COL23A1: variants seen among roughly 807,000 people sequenced by gnomAD.
COL23A1 encodes collagen alpha-1(XXIII) chain.
Under a neutral mutation model 99.3 loss-of-function variants are expected in COL23A1, and 97 were observed. That is an observed-to-expected ratio of 0.98 (90% CI 0.83 to 1.16). The LOEUF is 1.16. COL23A1 is among the 50% of genes most tolerant of loss of function. The pLI, the probability that COL23A1 is intolerant of heterozygous loss-of-function variation, is 0.00. For missense variants in COL23A1, 762 were observed against 757.4 expected (o/e 1.01, Z -0.07); for synonymous variants, 320 against 308.2 (o/e 1.04, Z -0.40).
At chr5:178,296,955 G>A (rs756430510) in intron 3 of COL23A1, among the ~76,000 whole-genome samples, 16 of 152,308 alleles carry the variant, frequency 1.1e-4, no homozygotes, top group Admixed American at 2.0e-4. Flanking sequence ...CCAGAGGGGC[G>A]TTTACAAAAT....
At chr5:178,299,945 G>A (rs917979733) in intron 3 of COL23A1, among the ~76,000 whole-genome samples, 18 of 152,026 alleles carry the variant, frequency 1.2e-4, no homozygotes, top group African/African-American at 4.3e-4. Context: ...GTAGAGAGGG[G>A]GTTTCACCAT....
intron 17 of COL23A1, among the ~76,000 whole-genome samples, chr5:178,252,262 G>A (rs1765076685): frequency 6.6e-6 from 1 of 152,204 alleles, no homozygotes; most frequent in Non-Finnish European, 1.5e-5. Flanking sequence ...GCCTCTGGCT[G>A]CATCCATGTA....
intron 1 of COL23A1, among the ~76,000 whole-genome samples, chr5:178,580,472 T>A (rs1763608269): frequency 6.6e-6 from 1 of 152,224 alleles, no homozygotes; most frequent in East Asian, 1.9e-4. Flanking sequence ...AAGCTTTTTT[T>A]TTTTTCCCCA....
In COL23A1 at chr5:178,488,909, G is replaced by A. The variant is rs929389114; in HGVS notation, c.361+71773C>T. 3.9e-5 allele frequency among the ~76,000 whole-genome samples: 6 copies of A among 152,196 alleles called. No homozygotes were observed. The East Asian group carries it at 5.8e-4, about 15-fold the overall frequency. On this transcript the variant is annotated intron_variant, in intron 2 of 28. Coordinates refer to ENST00000390654, the MANE Select transcript of COL23A1 (RefSeq NM_173465.4). ...AAGGTCAGCAAACACAGGAGCAGTC[G>A]CTGAGCAGCGGTGCAAACACACCAG...
chr5:178,252,150 G>A (rs1006738393), intron 17 of COL23A1, among the ~76,000 whole-genome samples: 10 of 151,886 alleles, frequency 6.6e-5, no homozygotes, highest in African/African-American at 2.4e-4. Flanking sequence ...CCTGACCTCA[G>A]GTGATCCACC....
At chr5:178,343,610 C>T (rs1425144025) in intron 2 of COL23A1, among the ~76,000 whole-genome samples, 2 of 151,434 alleles carry the variant, frequency 1.3e-5, no homozygotes, top group Non-Finnish European at 2.9e-5. Flanking sequence ...CATGGGAGTT[C>T]ATGACACTGT....
intron 2 of COL23A1, among the ~76,000 whole-genome samples, chr5:178,494,388 G>A (rs1218793872): frequency 2.0e-5 from 3 of 152,212 alleles, no homozygotes; most frequent in East Asian, 3.9e-4. Context: ...GAGGATGGGG[G>A]TTGCTCCCCA....
chr5:178,453,798 A>G lies in COL23A1; in HGVS notation c.361+106884T>C, dbSNP rs532080378. On this transcript the variant is annotated intron_variant, in intron 2 of 28. Coordinates refer to ENST00000390654, the MANE Select transcript of COL23A1 (RefSeq NM_173465.4). ...GTAGCAGTAGCAGACGAGGAATTCA[A>G]ACCCAGGCAGTCTGTCTCACTTCTC... Among the ~76,000 whole-genome samples the G allele has an allele frequency of 5.3e-4, 81 of 152,288 alleles. 1 individual carries two copies. The highest frequency in any genetic ancestry group is 3.4e-3 in the Middle Eastern group (1 of 294).
At position 178,248,220 on chromosome 5, in the gene COL23A1, G is replaced by A. The variant is rs929165644; in HGVS notation, c.1184C>T (p.Ser395Leu). Residue 395 changes from serine to leucine, a missense_variant, in exon 20 of 29, where the codon TCG (serine) becomes TTG (leucine). By Grantham distance (145) the Ser-to-Leu change is moderately radical. Coordinates refer to ENST00000390654, the MANE Select transcript of COL23A1 (RefSeq NM_173465.4). Reference sequence around the variant, plus strand: ...GCTCTCCTGTAGGCTGTCAGACGCCGACTCCCCCTTCTCCCCCTTGAGGCC... The same window carrying A: ...GCTCTCCTGTAGGCTGTCAGACGCCAACTCCCCCTTCTCCCCCTTGAGGCC... ...ADGLKGEKGE[S>L]ASDSLQESLA... is the part of the protein sequence containing the mutation. 9.9e-6 allele frequency: 16 copies of A among 1,610,168 alleles called. No homozygotes were observed. The highest frequency in any genetic ancestry group is 2.7e-5 in the African/African-American group (2 of 74,706).
At chr5:178,476,554 A>G (rs989752187) in intron 2 of COL23A1, among the ~76,000 whole-genome samples, 25 of 152,136 alleles carry the variant, frequency 1.6e-4, no homozygotes, top group African/African-American at 5.8e-4. Context: ...ACCTGCCTAC[A>G]CTTAAGGGAA....
intron 2 of COL23A1, among the ~76,000 whole-genome samples, chr5:178,442,012 G>T (rs1038816890): frequency 2.0e-5 from 3 of 152,224 alleles, no homozygotes; most frequent in Middle Eastern, 3.4e-3. Context: ...TTTGGCCAAG[G>T]CTTTGATTTT....
chr5:178,527,786 T>TC (rs1189397575), intron 2 of COL23A1, among the ~76,000 whole-genome samples: 2 of 152,228 alleles, frequency 1.3e-5, no homozygotes, highest in Non-Finnish European at 2.9e-5. Context: ...GCAGCCTGGA[T>TC]ACTGGAAACC....
At chr5:178,404,271 G>A (rs1229784275) in intron 2 of COL23A1, among the ~76,000 whole-genome samples, 1 of 152,180 alleles carries the variant, frequency 6.6e-6, no homozygotes, top group Admixed American at 6.5e-5. Context: ...CGCAATCACT[G>A]CCACCATCAT....
At chr5:178,471,216 C>A (rs1756729694) in intron 2 of COL23A1, among the ~76,000 whole-genome samples, 1 of 150,776 alleles carries the variant, frequency 6.6e-6, no homozygotes, top group Admixed American at 6.7e-5. Context: ...GCATTTATCA[C>A]CCCTGAGTAA....
chr5:178,400,810 G>C (rs1334342263), intron 2 of COL23A1, among the ~76,000 whole-genome samples: 2 of 152,110 alleles, frequency 1.3e-5, no homozygotes, highest in East Asian at 1.9e-4. Flanking sequence ...GCTAATTTTT[G>C]TATTTTTAGT....
intron 2 of COL23A1, among the ~76,000 whole-genome samples, chr5:178,393,048 G>A (rs1437942057): frequency 6.6e-6 from 1 of 152,226 alleles, no homozygotes; most frequent in African/African-American, 2.4e-5. Context: ...CCCACAGCGG[G>A]TGCCTGGCAG....
chr5:178,498,253 T>TACAC (rs1562025781), intron 2 of COL23A1, among the ~76,000 whole-genome samples: 1 of 59,254 alleles, frequency 1.7e-5, no homozygotes, highest in Non-Finnish European at 2.7e-5. Flanking sequence ...TATATATATA[T>TACAC]ATATAAAAGA....
intron 2 of COL23A1, among the ~76,000 whole-genome samples, chr5:178,542,458 A>G (rs1041853091): frequency 6.6e-6 from 1 of 152,052 alleles, no homozygotes; most frequent in African/African-American, 2.4e-5. Flanking sequence ...GTGTGTGAGG[A>G]CCCTCTGCCT....
intron 1 of COL23A1, among the ~76,000 whole-genome samples, chr5:178,585,278 C>T (rs998559207): frequency 9.2e-5 from 14 of 152,072 alleles, no homozygotes; most frequent in Admixed American, 8.5e-4. Context: ...TTCCATGGCC[C>T]CAGCAGACAC....
Sources: allele counts gnomAD v4.1 joint callset (sites outside exome capture counted in the v4.1 genomes callset), GRCh38; gene constraint gnomAD v4.1.1; transcripts MANE v1.5; gene names NCBI Gene and HGNC (gene_info 2026-07-23, HGNC 2026-07-21).